The following USP10 variants were observed in gnomAD, a reference collection of about 807,000 sequenced individuals.
The protein encoded by USP10 is ubiquitin carboxyl-terminal hydrolase 10.
Under a neutral mutation model 84.5 loss-of-function variants are expected in USP10, and 22 were observed. The observed-to-expected ratio is 0.26, with a 90% CI of 0.19 to 0.37. The LOEUF is 0.37. USP10 is among the 10% of genes least tolerant of loss of function. The pLI, the probability that USP10 is intolerant of heterozygous loss-of-function variation, is 1.00. For synonymous variants in USP10, 454 were observed against 387.6 expected, an observed-to-expected ratio of 1.17 and a Z score of -2.01; for missense variants, 1,019 against 998.9, an observed-to-expected ratio of 1.02 and a Z score of -0.27.
At chr16:84,743,834 T>G (rs1910901854) in intron 3 of USP10, among the ~76,000 whole-genome samples, 4 of 152,240 alleles carry the variant, frequency 2.6e-5, no homozygotes, top group South Asian at 2.1e-4. Flanking sequence ...CAAGAGATAT[T>G]TAAAAGTTCA....
intron 1 of USP10, among the ~76,000 whole-genome samples, chr16:84,721,988 G>A (rs1467057496): frequency 6.6e-6 from 1 of 152,110 alleles, no homozygotes; most frequent in African/African-American, 2.4e-5. Flanking sequence ...GAGCCATCAC[G>A]CCCAGCCCAG....
intron 13 of USP10, among the ~76,000 whole-genome samples, chr16:84,778,309 A>G (rs1385916682): frequency 6.6e-6 from 1 of 152,172 alleles, no homozygotes; most frequent in Non-Finnish European, 1.5e-5. Context: ...TAGATGGGCC[A>G]CAGAAGGCCT....
chr16:84,771,344 G>T (rs937256955), intron 11 of USP10, among the ~76,000 whole-genome samples: 2 of 152,092 alleles, frequency 1.3e-5, no homozygotes, highest in African/African-American at 4.8e-5. Flanking sequence ...TTAAGTCTAG[G>T]AGTTCAAGAC....
At chr16:84,750,234 C>G (rs1365998834) in intron 4 of USP10, among the ~76,000 whole-genome samples, 1 of 151,920 alleles carries the variant, frequency 6.6e-6, no homozygotes, top group Non-Finnish European at 1.5e-5. Flanking sequence ...ATAGGGAAAT[C>G]CCATCTTTAC....
intron 10 of USP10, among the ~76,000 whole-genome samples, chr16:84,766,923 A>G (rs577119030): frequency 6.6e-6 from 1 of 152,290 alleles, no homozygotes; most frequent in South Asian, 2.1e-4. Flanking sequence ...GATGTTTTTC[A>G]GTTTCCCCAG....
intron 9 of USP10, among the ~76,000 whole-genome samples, chr16:84,763,612 A>T (rs1425601309): frequency 2.0e-5 from 3 of 152,268 alleles, no homozygotes; most frequent in Non-Finnish European, 2.9e-5. Context: ...GAGCATCTTC[A>T]AATTTCGCCA....
intron 11 of USP10, among the ~76,000 whole-genome samples, chr16:84,768,828 G>T (rs1280808466): frequency 1.3e-5 from 2 of 152,170 alleles, no homozygotes; most frequent in Admixed American, 1.3e-4. Flanking sequence ...TATAGTCATT[G>T]TTCTGATGCT....
chr16:84,704,824 C>T (rs1252375910), intron 1 of USP10: 4 of 1,535,622 alleles, frequency 2.6e-6, no homozygotes, highest in Non-Finnish European at 3.5e-6. Flanking sequence ...CGTCTTGAAA[C>T]ATCATGCCCT....
intron 1 of USP10, among the ~76,000 whole-genome samples, chr16:84,711,290 A>T (rs1239200093): frequency 1.3e-5 from 2 of 152,194 alleles, no homozygotes; most frequent in African/African-American, 4.8e-5. Flanking sequence ...CCAGAACCTT[A>T]AGAGCTGCTC....
At chr16:84,762,921 A>T (rs895565018) in intron 8 of USP10, 68 bp from the exon 9 acceptor site, 6 of 923,256 alleles carry the variant, frequency 6.5e-6, no homozygotes, top group African/African-American at 6.5e-5. Flanking sequence ...CTTTGCAAGT[A>T]CTGCATGTCC....
At chr16:84,758,577 T>C in intron 4 of USP10, 139 bp from the exon 5 acceptor site, 2 of 650,874 alleles carry the variant, frequency 3.1e-6, no homozygotes, top group Non-Finnish European at 5.6e-6. Context: ...AATGAAGCCT[T>C]AACAGTATGC....
At chr16:84,753,298 A>G (rs1040553317) in intron 4 of USP10, among the ~76,000 whole-genome samples, 3 of 152,194 alleles carry the variant, frequency 2.0e-5, no homozygotes, top group African/African-American at 7.2e-5. Context: ...CAAGATGTTT[A>G]AAACTTGTCA....
chr16:84,744,906 G>A lies in USP10; in HGVS notation c.425G>A (p.Gly142Asp). The A allele has an allele frequency of 6.2e-7, 1 of 1,613,792 alleles. No homozygotes were observed. ...GTTTTGGAAAATGATGGTGTCTCAG[G>A]TGGTCTTGGACAAAGGGAGCGTAAA... ...AEVLENDGVSGGLGQRERKKK... is the reference protein window; with the variant it reads ...AEVLENDGVSDGLGQRERKKK... The change falls in exon 4 of 14, where the codon GGT becomes GAT. Residue 142 changes from glycine to aspartate, a missense_variant. Coordinates refer to ENST00000219473, the MANE Select transcript of USP10 (RefSeq NM_005153.3).
At chr16:84,704,711 G>T (rs1367852041) in intron 1 of USP10, 31 of 1,490,386 alleles carry the variant, frequency 2.1e-5, no homozygotes, top group Middle Eastern at 1.7e-4. Flanking sequence ...GATTTTTTCT[G>T]AACTGGCTAT....
intron 1 of USP10, among the ~76,000 whole-genome samples, chr16:84,728,256 A>G (rs968927359): frequency 1.3e-5 from 2 of 152,232 alleles, no homozygotes; most frequent in African/African-American, 4.8e-5. Flanking sequence ...GTCAGATATC[A>G]TTTTAGTTAA....
At chr16:84,742,711 C>T (rs1195265813) in intron 3 of USP10, among the ~76,000 whole-genome samples, 1 of 152,204 alleles carries the variant, frequency 6.6e-6, no homozygotes. Context: ...CCATGCGGTG[C>T]AAGGCACATG....
intron 4 of USP10, among the ~76,000 whole-genome samples, chr16:84,746,732 C>G (rs528753375): frequency 6.6e-6 from 1 of 152,214 alleles, no homozygotes; most frequent in Non-Finnish European, 1.5e-5. Flanking sequence ...TATAAACAGT[C>G]AACACTTAGG....
chr16:84,740,487 T>C, intron 3 of USP10, 118 bp downstream of exon 3: 2 of 846,480 alleles, frequency 2.4e-6, no homozygotes, highest in Non-Finnish European at 3.7e-6. Flanking sequence ...GCTTGAAGTT[T>C]TTGCTGTAAA....
chr16:84,744,108 T>C (rs1418714695), intron 3 of USP10, among the ~76,000 whole-genome samples: 1 of 152,092 alleles, frequency 6.6e-6, no homozygotes, highest in Non-Finnish European at 1.5e-5. Flanking sequence ...GTTTTTAAAT[T>C]TATACTTTCT....
Sources: gnomAD v4.1 joint callset for allele counts (sites outside exome capture counted in the v4.1 genomes callset) on GRCh38, gnomAD v4.1.1 for gene constraint, MANE v1.5 for transcripts, NCBI Gene and HGNC (gene_info 2026-07-23, HGNC 2026-07-21) for gene names.